OLFM3: variants seen among roughly 807,000 people sequenced by gnomAD.
OLFM3 encodes the protein noelin-3.
Under a neutral mutation model 48.6 loss-of-function variants are expected in OLFM3, and 20 were observed. That is an observed-to-expected ratio of 0.41 (90% CI 0.29 to 0.60). The LOEUF is 0.60. Among genes scored for constraint, OLFM3 ranks in the 20% least tolerant of loss-of-function variants. The pLI, the probability that OLFM3 is intolerant of heterozygous loss-of-function variation, is 0.28. For missense variants in OLFM3, 437 were observed against 544.3 expected (o/e 0.80, Z 1.96); for synonymous variants, 222 against 198.1 (o/e 1.12, Z -1.01).
At chr1:101,850,693 A>C (rs1656189007) in intron 1 of OLFM3, among the ~76,000 whole-genome samples, 2 of 152,152 alleles carry the variant, frequency 1.3e-5, no homozygotes. Context: ...ACAGTTAATG[A>C]GGTAATTGTG....
intron 1 of OLFM3, among the ~76,000 whole-genome samples, chr1:101,963,253 C>G (rs922096827): frequency 1.3e-5 from 2 of 152,100 alleles, no homozygotes; most frequent in Admixed American, 6.6e-5. Context: ...CTGACAAACT[C>G]GAGGAGTACA....
In OLFM3 at chr1:101,802,931, A is replaced by G. The variant is rs1025216632; in HGVS notation, c.*1307T>C. The G allele has an allele frequency of 6.6e-6, 1 of 151,636 alleles. No individual in the cohort carries two copies. The highest frequency in any genetic ancestry group is 2.4e-5 in the African/African-American group (1 of 41,366). 9.4% of individuals were successfully genotyped at this position (151,636 alleles called of 1,614,324 possible). On this transcript the variant is annotated 3_prime_UTR_variant, in exon 6 of 6. Coordinates refer to ENST00000370103, the MANE Select transcript of OLFM3 (RefSeq NM_058170.4). ...TATAGTTAGCTTATATGTTTCATAG[A>G]GTTATTAACATAAGTATTATTAAAG...
At chr1:101,981,549 C>G (rs1340769822) in intron 1 of OLFM3, among the ~76,000 whole-genome samples, 2 of 152,198 alleles carry the variant, frequency 1.3e-5, no homozygotes, top group Non-Finnish European at 2.9e-5. Context: ...CGTCTGCACA[C>G]TAGTGATTCT....
At chr1:101,880,121 T>G (rs922948287) in intron 1 of OLFM3, among the ~76,000 whole-genome samples, 1 of 151,890 alleles carries the variant, frequency 6.6e-6, no homozygotes, top group African/African-American at 2.4e-5. Flanking sequence ...ACTTTAGAAA[T>G]GAACCCCATG....
intron 4 of OLFM3, chr1:101,812,798 T>C (rs1654133397): frequency 2.0e-6 from 2 of 989,606 alleles, no homozygotes; most frequent in Non-Finnish European, 2.4e-6. Flanking sequence ...AAGTGGTCTT[T>C]TGGCTAGTTG....
chr1:101,807,176 TGCACCCAGGTAGTAAGCATA>T (rs1319612992), intron 4 of OLFM3, among the ~76,000 whole-genome samples: 2 of 151,758 alleles, frequency 1.3e-5, no homozygotes, highest in African/African-American at 4.8e-5. Flanking sequence ...ATGGGTATAT[TGCACCCAGGTAGTAAGCATA>T]GCACCCAATA....
intron 1 of OLFM3, among the ~76,000 whole-genome samples, chr1:101,852,918 A>C (rs998456534): frequency 1.3e-5 from 2 of 152,052 alleles, no homozygotes; most frequent in Non-Finnish European, 2.9e-5. Flanking sequence ...GTACCATCCC[A>C]GCTGCCACTG....
At chr1:101,952,647 T>C (rs1660178482) in intron 1 of OLFM3, among the ~76,000 whole-genome samples, 2 of 152,086 alleles carry the variant, frequency 1.3e-5, no homozygotes, top group Admixed American at 6.5e-5. Flanking sequence ...AAAAATATTA[T>C]CTAAAAATAA....
intron 1 of OLFM3, 127 bp downstream of exon 1, chr1:101,996,621 C>A (rs377568542): frequency 1.1e-5 from 10 of 915,300 alleles, no homozygotes. Flanking sequence ...TGGGGATACG[C>A]CAGACACCAT....
chr1:101,838,089 C>A (rs1655524853), intron 1 of OLFM3, among the ~76,000 whole-genome samples: 1 of 152,128 alleles, frequency 6.6e-6, no homozygotes, highest in Non-Finnish European at 1.5e-5. Flanking sequence ...ACTGCAGCCT[C>A]CTGGGCTCAA....
At chr1:101,964,029 A>C (rs956872407) in intron 1 of OLFM3, among the ~76,000 whole-genome samples, 10 of 152,164 alleles carry the variant, frequency 6.6e-5, no homozygotes, top group African/African-American at 1.9e-4. Flanking sequence ...GTGAAAATAA[A>C]CTTTATGCTT....
intron 1 of OLFM3, among the ~76,000 whole-genome samples, chr1:101,888,981 T>A (rs1048451531): frequency 4.6e-5 from 7 of 152,122 alleles, no homozygotes; most frequent in Admixed American, 3.3e-4. Context: ...AGAATGGCGA[T>A]CATTAAAAAG....
At chr1:101,869,362 G>T (rs542751668) in intron 1 of OLFM3, among the ~76,000 whole-genome samples, 193 of 152,210 alleles carry the variant, frequency 1.3e-3, no homozygotes, top group Non-Finnish European at 2.3e-3. Flanking sequence ...GGAACTTTCT[G>T]GTTTAATGAC....
intron 4 of OLFM3, among the ~76,000 whole-genome samples, chr1:101,807,201 C>T (rs1276884033): frequency 6.6e-6 from 1 of 151,224 alleles, no homozygotes; most frequent in Admixed American, 6.6e-5. Context: ...AGCATAGCAC[C>T]CAATATATAG....
chr1:101,830,849 T>G (rs747437966), intron 2 of OLFM3, 22 bp from the exon 3 acceptor site: 1 of 1,601,940 alleles, frequency 6.2e-7, no homozygotes, highest in East Asian at 2.2e-5. Context: ...GAATATTGTC[T>G]GTACATTATT....
chr1:101,831,575 T>G (rs539887466), intron 2 of OLFM3, among the ~76,000 whole-genome samples: 106 of 152,286 alleles, frequency 7.0e-4, no homozygotes, highest in African/African-American at 2.5e-3. Context: ...AACAAAAATC[T>G]GAAAACAAAG....
chr1:101,906,975 A>T (rs1267344147), intron 1 of OLFM3, among the ~76,000 whole-genome samples: 6 of 152,156 alleles, frequency 3.9e-5, no homozygotes, highest in South Asian at 2.1e-4. Context: ...TATTTGTCGT[A>T]TTTACATTTT....
intron 1 of OLFM3, among the ~76,000 whole-genome samples, chr1:101,865,995 C>T (rs770237513): frequency 6.6e-5 from 10 of 152,130 alleles, no homozygotes; most frequent in Non-Finnish European, 1.3e-4. Context: ...AAGCTGTTTG[C>T]CTTTCCAAAT....
intron 1 of OLFM3, among the ~76,000 whole-genome samples, chr1:101,936,303 A>T (rs1451335726): frequency 6.6e-6 from 1 of 152,086 alleles, no homozygotes; most frequent in African/African-American, 2.4e-5. Context: ...AAATCAGTAG[A>T]ATTTCTATAC....
Sources: allele counts gnomAD v4.1 joint callset (sites outside exome capture counted in the v4.1 genomes callset), GRCh38; gene constraint gnomAD v4.1.1; transcripts MANE v1.5; gene names NCBI Gene and HGNC (gene_info 2026-07-23, HGNC 2026-07-21).